Variants in GSE1 observed in about 807,000 individuals in gnomAD.
GSE1 encodes genetic suppressor element 1.
Under a neutral mutation model 112.6 loss-of-function variants are expected in GSE1, and 32 were observed. The ratio of observed to expected loss-of-function variants is 0.28; its 90% CI spans 0.21 to 0.38. GSE1 has a LOEUF of 0.38. Among genes scored for constraint, GSE1 ranks in the 10% least tolerant of loss-of-function variants. GSE1 has a pLI of 1.00. For synonymous variants in GSE1, 1,115 were observed against 735.6 expected (o/e 1.52, Z -8.35); for missense variants, 2,348 against 1,699.2 (o/e 1.38, Z -6.71).
intron 1 of GSE1, among the ~76,000 whole-genome samples, chr16:85,578,655 T>C (rs1275198667): frequency 1.3e-5 from 2 of 152,042 alleles, no homozygotes; most frequent in Non-Finnish European, 2.9e-5. Flanking sequence ...AGGCCAAGTG[T>C]CCCCCGAATC....
At chr16:85,522,489 G>T (rs899942796) in intron 2 of GSE1, among the ~76,000 whole-genome samples, 2 of 150,558 alleles carry the variant, frequency 1.3e-5, no homozygotes, top group Non-Finnish European at 3.0e-5. Flanking sequence ...TCACCCCCGC[G>T]TTTCTCGTGA....
intron 1 of GSE1, among the ~76,000 whole-genome samples, chr16:85,240,670 C>T (rs1453793232): frequency 6.6e-6 from 1 of 152,168 alleles, no homozygotes; most frequent in African/African-American, 2.4e-5. Flanking sequence ...CCTGGGTGCG[C>T]CCTGCGAGGT....
At chr16:85,309,086 C>T (rs1445948967) in intron 1 of GSE1, among the ~76,000 whole-genome samples, 2 of 151,626 alleles carry the variant, frequency 1.3e-5, no homozygotes, top group Non-Finnish European at 2.9e-5. Context: ...CTCTGAGGGG[C>T]TGCTGCAGCT....
intron 2 of GSE1, among the ~76,000 whole-genome samples, chr16:85,391,261 G>C (rs1408046914): frequency 6.6e-6 from 1 of 152,252 alleles, no homozygotes; most frequent in Non-Finnish European, 1.5e-5. Flanking sequence ...ATTAATGCAT[G>C]TCCCACGCAC....
intron 2 of GSE1, among the ~76,000 whole-genome samples, chr16:85,510,407 C>CTGT (rs1555524667): frequency 1.1e-3 from 163 of 149,410 alleles, no homozygotes; most frequent in African/African-American, 4.0e-3. Context: ...CCCGAGCGTG[C>CTGT]GTGTGTGTGT....
intron 1 of GSE1, among the ~76,000 whole-genome samples, chr16:85,255,017 G>T (rs566722930): frequency 2.0e-5 from 3 of 152,216 alleles, no homozygotes; most frequent in South Asian, 2.1e-4. Context: ...CACCTCTGCC[G>T]CGGGCGGTCT....
At chr16:85,237,824 C>G (rs1021724139) in intron 1 of GSE1, among the ~76,000 whole-genome samples, 2 of 146,506 alleles carry the variant, frequency 1.4e-5, no homozygotes, top group South Asian at 4.4e-4. Flanking sequence ...GGCGACAGAG[C>G]AAGACTCTGT....
At chr16:85,662,570 G>C (rs888817983) in intron 9 of GSE1, 2 of 170,770 alleles carry the variant, frequency 1.2e-5, no homozygotes, top group African/African-American at 4.8e-5. Flanking sequence ...CTGTGTCTTA[G>C]AGAGCTCAGG....
At chr16:85,414,609 A>G (rs553078716) in intron 2 of GSE1, among the ~76,000 whole-genome samples, 38 of 152,180 alleles carry the variant, frequency 2.5e-4, no homozygotes, top group South Asian at 4.1e-4. Flanking sequence ...TTTGATATGC[A>G]TAGACATTAG....
At chr16:85,460,792 C>T (rs893221130) in intron 2 of GSE1, among the ~76,000 whole-genome samples, 4 of 126,142 alleles carry the variant, frequency 3.2e-5, no homozygotes, top group African/African-American at 1.2e-4. Flanking sequence ...TAACCAGGGA[C>T]GGCAATGGAG....
At chr16:85,383,546 T>A (rs77723706) in intron 2 of GSE1, among the ~76,000 whole-genome samples, 1 of 15,660 alleles carries the variant, frequency 6.4e-5, no homozygotes, top group African/African-American at 1.0e-4. Context: ...TCTCTCTCTC[T>A]CTCTCTCTCT....
At chr16:85,555,952 CT>C (rs1445517292), upstream of GSE1, 16 of 984,536 alleles carry the variant, frequency 1.6e-5, no homozygotes, top group Admixed American at 9.2e-4. Flanking sequence ...GCGCTCCCCC[CT>C]CCTTTTTTTT....
chr16:85,431,964 A>T (rs2049133029), intron 2 of GSE1, among the ~76,000 whole-genome samples: 1 of 152,176 alleles, frequency 6.6e-6, no homozygotes, highest in Non-Finnish European at 1.5e-5. Context: ...GGGGCATCCC[A>T]GGCACAGCAC....
intron 2 of GSE1, among the ~76,000 whole-genome samples, chr16:85,447,965 G>A (rs902535067): frequency 2.0e-5 from 3 of 152,196 alleles, no homozygotes; most frequent in East Asian, 3.8e-4. Flanking sequence ...AGGGCTTGCT[G>A]TGGCTTAGTG....
At chr16:85,287,531 C>T (rs571394425) in intron 1 of GSE1, among the ~76,000 whole-genome samples, 1 of 152,280 alleles carries the variant, frequency 6.6e-6, no homozygotes, top group African/African-American at 2.4e-5. Context: ...GCACCAGCCA[C>T]GCCGCTGCCT....
chr16:85,456,743 G>A lies in GSE1; in HGVS notation c.2464+99100G>A, dbSNP rs549613767. 8.5e-5 allele frequency among the ~76,000 whole-genome samples: 13 copies of A among 152,104 alleles called. No homozygotes were observed. In the South Asian group the frequency reaches 2.3e-3, roughly 27 times the overall value. ...GGAGGGAGGCTGCAGCAGGGTGAGC[G>A]CTGGTGGGTGAGAGGCCCGCTAGGA... On this transcript the variant is annotated intron_variant, in intron 2 of 2. Coordinates refer to the GSE1 transcript ENST00000637419.
In GSE1 at chr16:85,221,766, C is replaced by T. The variant is rs1024885767; in HGVS notation, c.2283+49959C>T. Among the ~76,000 whole-genome samples, 5 of 152,176 alleles carry T rather than the reference C, an allele frequency of 3.3e-5. No individual in the cohort carries two copies. The East Asian group carries it at 5.8e-4, about 18-fold the overall frequency. On this transcript the variant is annotated intron_variant, in intron 1 of 2. Coordinates refer to the GSE1 transcript ENST00000637419. ...CATGTCCAGGCAGGTGGGGGCTCGG[C>T]CCCCAGACACCCTGGCATCTCGGGG...
At chr16:85,626,618 G>A (rs2049089187) in intron 1 of GSE1, among the ~76,000 whole-genome samples, 2 of 152,248 alleles carry the variant, frequency 1.3e-5, no homozygotes, top group South Asian at 4.1e-4. Context: ...ACGGGGGGCT[G>A]TCAGGGGGAA....
chr16:85,313,945 TGTGACATAGCCTA>T (rs1180630193), intron 1 of GSE1, among the ~76,000 whole-genome samples: 6 of 138,490 alleles, frequency 4.3e-5, no homozygotes, highest in African/African-American at 1.9e-4. Context: ...TGTGTGTGTG[TGTGACATAGCCTA>T]GTGTGTGTGT....
Sources: gnomAD v4.1 joint callset for allele counts (sites outside exome capture counted in the v4.1 genomes callset) on GRCh38, gnomAD v4.1.1 for gene constraint, MANE v1.5 for transcripts, NCBI Gene and HGNC (gene_info 2026-07-23, HGNC 2026-07-21) for gene names.